Variants in ATXN1 observed in about 807,000 individuals in gnomAD.
ATXN1 encodes the protein ataxin-1.
Under a neutral mutation model 56.4 loss-of-function variants are expected in ATXN1, and 8 were observed. The ratio of observed to expected loss-of-function variants is 0.14; its 90% CI spans 0.08 to 0.26. The LOEUF is 0.26. Ranked by LOEUF, ATXN1 falls within the 10% of genes least tolerant of loss-of-function variation. The pLI, the probability that ATXN1 is intolerant of heterozygous loss-of-function variation, is 1.00. For missense variants in ATXN1, 987 were observed against 1,106.5 expected (o/e 0.89, Z 1.53); for synonymous variants, 514 against 494.6 (o/e 1.04, Z -0.52).
intron 2 of ATXN1, among the ~76,000 whole-genome samples, chr6:16,717,293 G>A (rs1759659324): frequency 6.6e-6 from 1 of 152,256 alleles, no homozygotes; most frequent in Non-Finnish European, 1.5e-5. Context: ...TGAGATGACT[G>A]TAGGGAGTAG....
intron 6 of ATXN1, among the ~76,000 whole-genome samples, chr6:16,385,156 T>A (rs1405711157): frequency 6.6e-6 from 1 of 152,148 alleles, no homozygotes; most frequent in East Asian, 1.9e-4. Context: ...TAAGGGGACA[T>A]GCCACATTCA....
chr6:16,468,458 G>A (rs866577198), intron 6 of ATXN1, among the ~76,000 whole-genome samples: 32 of 152,174 alleles, frequency 2.1e-4, no homozygotes, highest in Middle Eastern at 3.2e-3. Flanking sequence ...TAAAGTGCTG[G>A]GATTACAGGC....
intron 2 of ATXN1, among the ~76,000 whole-genome samples, chr6:16,710,415 C>T (rs970616201): frequency 6.6e-6 from 1 of 152,044 alleles, no homozygotes; most frequent in African/African-American, 2.4e-5. Context: ...TAACTTCTAA[C>T]AGGCTTTTTT....
At chr6:16,714,389 T>C (rs1350051938) in intron 2 of ATXN1, among the ~76,000 whole-genome samples, 1 of 152,122 alleles carries the variant, frequency 6.6e-6, no homozygotes, top group Admixed American at 6.5e-5. Flanking sequence ...GTAGAACAGC[T>C]ACCCAAAAAG....
intron 2 of ATXN1, chr6:16,749,891 A>G (rs1204731352): frequency 6.6e-6 from 1 of 152,002 alleles, no homozygotes; most frequent in Non-Finnish European, 1.5e-5. Context: ...TTATTCCCAT[A>G]CTCTCTACTG....
At chr6:16,545,393 C>CT (rs35242778) in intron 4 of ATXN1, among the ~76,000 whole-genome samples, 10,655 of 144,152 alleles carry the variant, frequency 0.074, 600 homozygotes, top group African/African-American at 0.17. Flanking sequence ...GATTTCTTGT[C>CT]TTTTTTTTTT....
At chr6:16,584,551 G>A (rs555595260) in intron 4 of ATXN1, among the ~76,000 whole-genome samples, 115 of 151,640 alleles carry the variant, frequency 7.6e-4, no homozygotes, top group African/African-American at 2.2e-3. Flanking sequence ...CTGAAATGTC[G>A]AAATCTGGTA....
intron 2 of ATXN1, among the ~76,000 whole-genome samples, chr6:16,682,161 A>G (rs1758826411): frequency 6.9e-6 from 1 of 145,762 alleles, no homozygotes; most frequent in South Asian, 2.2e-4. Context: ...ATCACCCCCT[A>G]CCCAAGCACT....
intron 4 of ATXN1, among the ~76,000 whole-genome samples, chr6:16,548,918 C>T (rs1361010799): frequency 6.6e-6 from 1 of 152,072 alleles, no homozygotes; most frequent in African/African-American, 2.4e-5. Flanking sequence ...GTAAGGCTGT[C>T]TCAATAAATA....
chr6:16,603,813 G>A (rs1281877136), intron 3 of ATXN1, among the ~76,000 whole-genome samples: 1 of 152,174 alleles, frequency 6.6e-6, no homozygotes, highest in Non-Finnish European at 1.5e-5. Context: ...TACAGGGGAA[G>A]AGGTGAGCAG....
At chr6:16,401,669 G>T (rs1378125495) in intron 6 of ATXN1, among the ~76,000 whole-genome samples, 1 of 152,152 alleles carries the variant, frequency 6.6e-6, no homozygotes, top group African/African-American at 2.4e-5. Flanking sequence ...GGAAAATAAT[G>T]TTGACTTTTA....
intron 2 of ATXN1, among the ~76,000 whole-genome samples, chr6:16,665,892 T>G (rs182412330): frequency 9.8e-4 from 149 of 152,358 alleles, no homozygotes; most frequent in Admixed American, 1.7e-3. Flanking sequence ...GCATATTTAT[T>G]GGGTACATGT....
chr6:16,568,595 G>A (rs942453478), intron 4 of ATXN1, among the ~76,000 whole-genome samples: 2 of 152,198 alleles, frequency 1.3e-5, no homozygotes, highest in Non-Finnish European at 2.9e-5. Context: ...GACAGGAGGT[G>A]AAGAAATCAT....
At chr6:16,405,478 G>C (rs942496289) in intron 6 of ATXN1, among the ~76,000 whole-genome samples, 14 of 152,212 alleles carry the variant, frequency 9.2e-5, no homozygotes, top group Admixed American at 1.3e-4. Flanking sequence ...GGATGGCAAT[G>C]ATCTGTGCTA....
chr6:16,654,553 AAAAAAAAAAAAAAG>A (rs1373872599), intron 3 of ATXN1, among the ~76,000 whole-genome samples: 1 of 89,578 alleles, frequency 1.1e-5, no homozygotes, highest in Admixed American at 1.1e-4. Flanking sequence ...AAAAAAAAAA[AAAAAAAAAAAAAAG>A]AGAGAGAGAG....
At chr6:16,570,313 G>T (rs1006145660) in intron 4 of ATXN1, among the ~76,000 whole-genome samples, 3 of 152,176 alleles carry the variant, frequency 2.0e-5, no homozygotes, top group African/African-American at 7.2e-5. Flanking sequence ...TAATCTATTT[G>T]GGAAACTGAA....
chr6:16,566,387 C>T (rs537669803), intron 4 of ATXN1, among the ~76,000 whole-genome samples: 1 of 152,114 alleles, frequency 6.6e-6, no homozygotes, highest in South Asian at 2.1e-4. Context: ...TGGCATTTTA[C>T]AACTCTGGAT....
At chr6:16,398,309 C>T (rs549036440) in intron 6 of ATXN1, among the ~76,000 whole-genome samples, 16 of 152,286 alleles carry the variant, frequency 1.1e-4, no homozygotes, top group Admixed American at 8.5e-4. Flanking sequence ...ATGTCCTAGG[C>T]AGGTGGGCAT....
chr6:16,309,178 T>C (rs1760327934), intron 7 of ATXN1, among the ~76,000 whole-genome samples: 1 of 149,962 alleles, frequency 6.7e-6, no homozygotes, highest in African/African-American at 2.5e-5. Flanking sequence ...CAGTGAGCTA[T>C]GATCACAAGA....
Sources: allele counts gnomAD v4.1 joint callset (sites outside exome capture counted in the v4.1 genomes callset), GRCh38; gene constraint gnomAD v4.1.1; transcripts MANE v1.5; gene names NCBI Gene and HGNC (gene_info 2026-07-23, HGNC 2026-07-21).